Variants in MTUS2 observed in about 807,000 individuals in gnomAD.
The protein encoded by MTUS2 is microtubule-associated tumor suppressor candidate 2.
Under a neutral mutation model 114.1 loss-of-function variants are expected in MTUS2, and 40 were observed. The ratio of observed to expected loss-of-function variants is 0.35; its 90% CI spans 0.27 to 0.46. The LOEUF is 0.46. Among genes scored for constraint, MTUS2 ranks in the 20% least tolerant of loss-of-function variants. The pLI is 1.00. For synonymous variants in MTUS2, 688 were observed against 672.0 expected, an observed-to-expected ratio of 1.02 and a Z score of -0.37; for missense variants, 1,679 against 1,705.4, an observed-to-expected ratio of 0.98 and a Z score of 0.27.
At chr13:29,426,221 A>G (rs1191960406) in intron 8 of MTUS2, among the ~76,000 whole-genome samples, 1 of 152,238 alleles carries the variant, frequency 6.6e-6, no homozygotes, top group Non-Finnish European at 1.5e-5. Context: ...AAATATAACA[A>G]AAGATTCGCC....
At chr13:28,958,163 C>A (rs1883159024) in intron 2 of MTUS2, among the ~76,000 whole-genome samples, 4 of 152,204 alleles carry the variant, frequency 2.6e-5, no homozygotes, top group Admixed American at 2.6e-4. Context: ...CTTGTGCCTC[C>A]TGCTTAATTA....
At chr13:28,899,141 A>G (rs140006420) in intron 2 of MTUS2, among the ~76,000 whole-genome samples, 216 of 152,328 alleles carry the variant, frequency 1.4e-3, no homozygotes, top group African/African-American at 4.4e-3. Flanking sequence ...GTTGCAAGAA[A>G]TAATAGAGAT....
At chr13:29,196,633 C>G (rs1281080142) in intron 5 of MTUS2, among the ~76,000 whole-genome samples, 1 of 152,146 alleles carries the variant, frequency 6.6e-6, no homozygotes, top group Non-Finnish European at 1.5e-5. Context: ...GCCTCCTCCT[C>G]CACTCCCTGG....
At chr13:29,046,921 C>T (rs1566322704) in intron 4 of MTUS2, among the ~76,000 whole-genome samples, 1 of 152,144 alleles carries the variant, frequency 6.6e-6, no homozygotes, top group Non-Finnish European at 1.5e-5. Context: ...AATGTTTAGC[C>T]AACTGGGATT....
chr13:29,300,704 G>A (rs1411848346), intron 6 of MTUS2, among the ~76,000 whole-genome samples: 1 of 152,042 alleles, frequency 6.6e-6, no homozygotes, highest in Non-Finnish European at 1.5e-5. Flanking sequence ...GTCTTCAAGG[G>A]GTGTATTATT....
At chr13:29,158,890 A>G (rs1892981233) in intron 5 of MTUS2, among the ~76,000 whole-genome samples, 3 of 152,200 alleles carry the variant, frequency 2.0e-5, no homozygotes, top group Admixed American at 2.0e-4. Context: ...AGCTGCCTCC[A>G]GAGAAGCCCA....
chr13:29,237,740 T>G (rs919062902), intron 5 of MTUS2, among the ~76,000 whole-genome samples: 23 of 152,208 alleles, frequency 1.5e-4, no homozygotes, highest in African/African-American at 5.5e-4. Context: ...TTTGCTAAAA[T>G]ATAGGCAAAT....
intron 9 of MTUS2, among the ~76,000 whole-genome samples, chr13:29,445,295 T>A (rs1199901389): frequency 6.6e-6 from 1 of 152,162 alleles, no homozygotes; most frequent in East Asian, 1.9e-4. Context: ...GAGTGTCCAG[T>A]GATTCCATTC....
intron 5 of MTUS2, among the ~76,000 whole-genome samples, chr13:29,255,752 A>T (rs1476085315): frequency 6.6e-6 from 1 of 152,100 alleles, no homozygotes; most frequent in African/African-American, 2.4e-5. Context: ...GAACTCCAGG[A>T]GCAGGGACAG....
At chr13:29,233,755 C>T (rs1056118602) in intron 5 of MTUS2, among the ~76,000 whole-genome samples, 3 of 152,224 alleles carry the variant, frequency 2.0e-5, no homozygotes, top group East Asian at 1.9e-4. Flanking sequence ...TAACATATCA[C>T]CTGGAGATTG....
chr13:29,324,307 C>T (rs895837145), intron 6 of MTUS2, among the ~76,000 whole-genome samples: 2 of 152,108 alleles, frequency 1.3e-5, no homozygotes, highest in Admixed American at 6.5e-5. Flanking sequence ...AATTTTAATT[C>T]CCAGATAGTT....
intron 6 of MTUS2, chr13:29,307,659 C>G: frequency 8.7e-7 from 1 of 1,143,390 alleles, no homozygotes; most frequent in South Asian, 1.2e-5. Flanking sequence ...ACTCTTCCAC[C>G]TTCGACGCTG....
At chr13:29,425,400 T>C (rs1827134712) in intron 8 of MTUS2, among the ~76,000 whole-genome samples, 1 of 151,834 alleles carries the variant, frequency 6.6e-6, no homozygotes, top group African/African-American at 2.4e-5. Flanking sequence ...AGTGAGACTC[T>C]GTCTCAACAA....
chr13:29,084,664 A>G (rs1276371073), intron 4 of MTUS2, among the ~76,000 whole-genome samples: 1 of 151,470 alleles, frequency 6.6e-6, no homozygotes, highest in African/African-American at 2.4e-5. Context: ...CAGCCTCCCT[A>G]GGAGCTGGGA....
chr13:28,835,421 T>C (rs1262842256), intron 1 of MTUS2, among the ~76,000 whole-genome samples: 3 of 151,046 alleles, frequency 2.0e-5, no homozygotes, highest in African/African-American at 7.2e-5. Flanking sequence ...ACCTGTTATA[T>C]GATTCTGTTT....
At chr13:28,928,849 A>G (rs1881464839) in intron 2 of MTUS2, among the ~76,000 whole-genome samples, 1 of 152,222 alleles carries the variant, frequency 6.6e-6, no homozygotes, top group South Asian at 2.1e-4. Flanking sequence ...CTAATGGATG[A>G]ATGGATAAAG....
intron 5 of MTUS2, among the ~76,000 whole-genome samples, chr13:29,241,252 C>G (rs1896720699): frequency 6.6e-6 from 1 of 151,692 alleles, no homozygotes; most frequent in Non-Finnish European, 1.5e-5. Context: ...TTTCTCTTTT[C>G]TTGTCTTTAA....
chr13:28,971,024 G>A (rs952184120), intron 2 of MTUS2, among the ~76,000 whole-genome samples: 4 of 152,128 alleles, frequency 2.6e-5, no homozygotes, highest in African/African-American at 4.8e-5. Context: ...TTATTAAATC[G>A]CCTGTGTTTT....
chr13:28,823,036 T>C (rs1466636602), intron 1 of MTUS2, among the ~76,000 whole-genome samples: 1 of 151,618 alleles, frequency 6.6e-6, no homozygotes, highest in East Asian at 1.9e-4. Flanking sequence ...TGGAGAAGAG[T>C]GGAAACGGGT....
Sources: gnomAD v4.1 joint callset for allele counts (sites outside exome capture counted in the v4.1 genomes callset) on GRCh38, gnomAD v4.1.1 for gene constraint, MANE v1.5 for transcripts, NCBI Gene and HGNC (gene_info 2026-07-23, HGNC 2026-07-21) for gene names.